The following GPC3 variants were observed in gnomAD, a reference collection of about 807,000 sequenced individuals.
The protein encoded by GPC3 is glypican 3, also known as glypican-3.
GPC3 carries 3 observed loss-of-function variants against 34.4 expected under a neutral mutation model. That is an observed-to-expected ratio of 0.09 (90% CI 0.04 to 0.23). The LOEUF (loss-of-function observed/expected upper bound fraction) is 0.23, where lower values mean the gene tolerates loss of function less well. Among genes scored for constraint, GPC3 ranks in the 10% least tolerant of loss-of-function variants. The probability of loss-of-function intolerance (pLI) is 1.00; values close to 1 mark genes in which losing one functional copy is unlikely to be tolerated. For missense variants in GPC3, 351 were observed against 445.6 expected, an observed-to-expected ratio of 0.79 and a Z score of 1.91; for synonymous variants, 177 against 174.0, an observed-to-expected ratio of 1.02 and a Z score of -0.13.
chrX:133,825,492 T>C (rs1331485434), intron 2 of GPC3, among the ~76,000 whole-genome samples: 1 of 111,800 alleles, frequency 8.9e-6, no homozygotes, highest in Non-Finnish European at 1.9e-5. Flanking sequence ...ATTTGGAAAG[T>C]ACCCACTACA....
At chrX:133,953,480 A>G (rs771474837) in intron 1 of GPC3, among the ~76,000 whole-genome samples, 1 of 111,936 alleles carries the variant, frequency 8.9e-6, no homozygotes, top group East Asian at 2.8e-4. Context: ...AATTCTGCAT[A>G]AACTAATTTA....
intron 1 of GPC3, among the ~76,000 whole-genome samples, chrX:133,981,966 T>C (rs759943562): frequency 8.9e-6 from 1 of 111,764 alleles, no homozygotes; most frequent in African/African-American, 3.2e-5. Context: ...CACGGTTTGT[T>C]TGATTTTCTC....
chrX:133,844,431 A>T (rs1356428270), intron 2 of GPC3, among the ~76,000 whole-genome samples: 1 of 111,483 alleles, frequency 9.0e-6, no homozygotes, highest in Non-Finnish European at 1.9e-5. Context: ...CAAAACTGGA[A>T]ACACATGACT....
At chrX:133,955,605 A>G (rs2076413245) in intron 1 of GPC3, among the ~76,000 whole-genome samples, 1 of 111,791 alleles carries the variant, frequency 8.9e-6, no homozygotes, top group Non-Finnish European at 1.9e-5. Flanking sequence ...AACAAGAGAA[A>G]TTTAATCCCT....
chrX:133,928,359 G>A (rs1048242671), intron 2 of GPC3, among the ~76,000 whole-genome samples: 1 of 111,837 alleles, frequency 8.9e-6, no homozygotes, highest in Non-Finnish European at 1.9e-5. Context: ...TGGCTATTGT[G>A]AATAATGCAG....
chrX:133,907,850 G>A (rs1265137220), intron 2 of GPC3, among the ~76,000 whole-genome samples: 1 of 111,070 alleles, frequency 9.0e-6, no homozygotes, highest in Non-Finnish European at 1.9e-5. Context: ...AATACAGATT[G>A]CCAAATTGCT....
chrX:133,741,998 A>C (rs1254278598), intron 3 of GPC3, among the ~76,000 whole-genome samples: 2 of 112,816 alleles, frequency 1.8e-5, no homozygotes, highest in Non-Finnish European at 3.7e-5. Flanking sequence ...ACAGTGACTG[A>C]GATCTACCTT....
At chrX:133,751,074 AAAATAAATAAATAAAT>A (rs60283835) in intron 3 of GPC3, among the ~76,000 whole-genome samples, 28 of 88,586 alleles carry the variant, frequency 3.2e-4, no homozygotes, top group Non-Finnish European at 4.2e-4. Context: ...CTCTGTCTCA[AAAATAAATAAATAAAT>A]AAATAAATAA....
chrX:133,538,251 C>T (rs1355306336), intron 7 of GPC3, among the ~76,000 whole-genome samples: 15 of 112,029 alleles, frequency 1.3e-4, no homozygotes, highest in Admixed American at 7.6e-4. Flanking sequence ...CAGAGAAGGC[C>T]GAGGTCAGCT....
At chrX:133,585,951 A>G (rs1450947999) in intron 7 of GPC3, among the ~76,000 whole-genome samples, 1 of 112,148 alleles carries the variant, frequency 8.9e-6, no homozygotes, top group East Asian at 2.8e-4. Flanking sequence ...TATCCCTAAT[A>G]CTTACTCAAT....
chrX:133,803,560 A>G (rs372802705), intron 2 of GPC3, among the ~76,000 whole-genome samples: 15 of 112,110 alleles, frequency 1.3e-4, no homozygotes, highest in African/African-American at 4.9e-4. Flanking sequence ...TGTTCTTCCA[A>G]GACATAGTCA....
chrX:133,607,831 G>GCAGT (rs1461784393), intron 6 of GPC3, among the ~76,000 whole-genome samples: 1 of 112,531 alleles, frequency 8.9e-6, no homozygotes, highest in African/African-American at 3.2e-5. Flanking sequence ...AAAGAGGAAG[G>GCAGT]CAGTCATTCG....
intron 2 of GPC3, among the ~76,000 whole-genome samples, chrX:133,891,050 T>A (rs1488209862): frequency 1.8e-5 from 2 of 108,185 alleles, no homozygotes; most frequent in Non-Finnish European, 1.9e-5. Flanking sequence ...TAAAGAAAAA[T>A]AAATAAAATG....
chrX:133,814,702 G>A (rs1027947565), intron 2 of GPC3, among the ~76,000 whole-genome samples: 2 of 110,362 alleles, frequency 1.8e-5, no homozygotes, highest in African/African-American at 6.6e-5. Context: ...CAAGTAGCTG[G>A]GTTTACAGGC....
intron 7 of GPC3, among the ~76,000 whole-genome samples, chrX:133,560,868 C>T (rs926338964): frequency 2.1e-4 from 24 of 111,976 alleles, no homozygotes; most frequent in African/African-American, 7.8e-4. Context: ...TTGCCTGTCC[C>T]AATTATTGAA....
intron 2 of GPC3, among the ~76,000 whole-genome samples, chrX:133,828,365 C>T (rs928023002): frequency 1.8e-5 from 2 of 111,113 alleles, no homozygotes; most frequent in Non-Finnish European, 3.8e-5. Context: ...CCCATGTTGA[C>T]CAGGCTGATC....
chrX:133,596,798 T>C (rs916918116), intron 6 of GPC3, among the ~76,000 whole-genome samples, 199 bp from the exon 7 acceptor site: 7 of 112,104 alleles, frequency 6.2e-5, no homozygotes, highest in African/African-American at 2.3e-4. Flanking sequence ...TAGCATTTGA[T>C]GTGATGGTCT....
In GPC3 at chrX:133,536,085, G is replaced by A. The variant is rs777607357; in HGVS notation, c.*39C>T. On this transcript the variant is annotated 3_prime_UTR_variant, in exon 8 of 8. Coordinates refer to ENST00000370818, the MANE Select transcript of GPC3 (RefSeq NM_004484.4). The stretch of plus-strand genomic sequence containing the variant: ...GTTCCCTTTATCGAGGAAGACCACA[G>A]GGTGCTGTAGGGCAGCACATGTGCT... The A allele has an allele frequency of 2.8e-5, 30 of 1,077,848 alleles. No homozygotes were observed. The highest frequency in any genetic ancestry group is 3.9e-5 in the Non-Finnish European group (30 of 775,828). 88.8% of individuals were successfully genotyped at this position (1,077,848 alleles called of 1,213,427 possible). A position where few individuals can be genotyped will look rare whatever the true frequency, so the allele number is the denominator to read the frequency against.
Position 133,849,135 on chromosome X carries a change from C to T in GPC3, c.338-94959G>A, listed in dbSNP as rs192278685. 1.5e-3 allele frequency among the ~76,000 whole-genome samples: 146 copies of T among 96,078 alleles called. 1 individual carries two copies. The highest frequency in any genetic ancestry group is 2.7e-3 in the Non-Finnish European group (129 of 47,927). 83.4% of individuals were successfully genotyped at this position (96,078 alleles called of 115,157 possible). The stretch of plus-strand genomic sequence containing the variant: ...TTTGAGACAGAGTCTCGCTCTGTCC[C>T]CCAGGCTGGAGTGCAGTGGCGCTAC... On this transcript the variant is annotated intron_variant, in intron 2 of 7. Coordinates refer to ENST00000370818, the MANE Select transcript of GPC3 (RefSeq NM_004484.4).
Sources: gnomAD v4.1 joint callset for allele counts (sites outside exome capture counted in the v4.1 genomes callset) on GRCh38, gnomAD v4.1.1 for gene constraint, MANE v1.5 for transcripts, NCBI Gene and HGNC (gene_info 2026-07-23, HGNC 2026-07-21) for gene names.